PCM1: variants seen among roughly 807,000 people sequenced by gnomAD.
The protein encoded by PCM1 is pericentriolar material 1.
PCM1 carries 157 observed loss-of-function variants against 241.9 expected under a neutral mutation model. The observed-to-expected ratio is 0.65, with a 90% CI of 0.57 to 0.74. The LOEUF is 0.74. PCM1 is among the 30% of genes least tolerant of loss of function. The pLI is 0.00. For missense variants in PCM1, 3,478 were observed against 2,360.1 expected (o/e 1.47, Z -9.81); for synonymous variants, 1,085 against 784.9 (o/e 1.38, Z -6.39).
intron 38 of PCM1, among the ~76,000 whole-genome samples, chr8:18,025,877 C>T (rs1464256469): frequency 6.6e-6 from 1 of 152,026 alleles, no homozygotes. Context: ...AAAATGTAGA[C>T]ATGCTGGCTG....
chr8:17,990,462 G>A (rs1014350612), intron 27 of PCM1, among the ~76,000 whole-genome samples: 1 of 148,366 alleles, frequency 6.7e-6, no homozygotes, highest in African/African-American at 2.5e-5. Flanking sequence ...AATGGTTTTG[G>A]TTGTTTTTTT....
At chr8:17,993,849 C>G in intron 29 of PCM1, among the ~76,000 whole-genome samples, 1 of 152,066 alleles carries the variant, frequency 6.6e-6, no homozygotes, top group African/African-American at 2.4e-5. Flanking sequence ...CTTTCTAGAT[C>G]ATTATTTTTC....
chr8:17,972,719 G>T (rs770207870), intron 23 of PCM1, 32 bp downstream of exon 23: 1 of 1,356,488 alleles, frequency 7.4e-7, no homozygotes, highest in Non-Finnish European at 9.8e-7. Context: ...ATGTTGATCA[G>T]TGTAAATTTT....
At chr8:18,016,228 A>T (rs2093174230) in intron 36 of PCM1, among the ~76,000 whole-genome samples, 1 of 152,108 alleles carries the variant, frequency 6.6e-6, no homozygotes, top group South Asian at 2.1e-4. Flanking sequence ...GTCGAACTAG[A>T]TGTTTGACAG....
At chr8:17,981,534 G>GGA (rs767785112) in intron 24 of PCM1, among the ~76,000 whole-genome samples, 5 of 151,960 alleles carry the variant, frequency 3.3e-5, no homozygotes, top group African/African-American at 4.8e-5. Context: ...AAAGAAATAT[G>GGA]GAGAGAGAGA....
At chr8:17,932,861 C>G (rs1226473959) in intron 2 of PCM1, among the ~76,000 whole-genome samples, 2 of 152,096 alleles carry the variant, frequency 1.3e-5, no homozygotes, top group Non-Finnish European at 2.9e-5. Flanking sequence ...GGCAGCCTTT[C>G]TCAGTTGGGA....
At position 18,028,982 on chromosome 8, in the gene PCM1, C is replaced by A. The variant is rs1564505332; in HGVS notation, c.*1320C>A. The A allele has an allele frequency of 5.6e-6, 1 of 177,548 alleles. No homozygotes were observed. The highest frequency in any genetic ancestry group is 1.2e-5 in the Non-Finnish European group (1 of 82,652). 11.0% of individuals were successfully genotyped at this position (177,548 alleles called of 1,614,324 possible). A position where few individuals can be genotyped will look rare whatever the true frequency, so the allele number is the denominator to read the frequency against. ...CTGCCCAACATGGGGGAAACCCCGT[C>A]TCTACTAAAAATAAAAAAATTAGCT... On this transcript the variant is annotated 3_prime_UTR_variant, in exon 39 of 39. Coordinates refer to ENST00000325083, the MANE Select transcript of PCM1 (RefSeq NM_006197.4).
At chr8:18,027,616 C>A in intron 38 of PCM1, 21 bp from the exon 39 acceptor site, 1 of 1,548,840 alleles carries the variant, frequency 6.5e-7, no homozygotes, top group Non-Finnish European at 8.8e-7. Context: ...ATTTATAAAG[C>A]ATTTTTATTC....
In PCM1 at chr8:17,936,054, A is replaced by G. The variant is rs544959733; in HGVS notation, c.96+348A>G. ...CTGCTTTTGAGTGCATCTGCCTAACACACCTTTCTCTTTACAGACCAGTTT... is the reference window on the plus strand; with the variant it reads ...CTGCTTTTGAGTGCATCTGCCTAACGCACCTTTCTCTTTACAGACCAGTTT... On this transcript the variant is annotated intron_variant, in intron 3 of 38. Transcript: ENST00000325083. 7.4e-4 allele frequency among the ~76,000 whole-genome samples: 112 copies of G among 152,286 alleles called. 1 individual carries two copies. Among genetic ancestry groups the G allele is most frequent in the African/African-American group, 2.7e-3 (111 of 41,572 alleles).
In PCM1 at chr8:17,939,705, T is replaced by A; in HGVS notation, c.627T>A (p.Leu209=). 1 of 1,536,786 alleles carries A rather than the reference T, an allele frequency of 6.5e-7. No homozygotes were observed. Among genetic ancestry groups the A allele is most frequent in the Non-Finnish European group, 8.8e-7 (1 of 1,140,472 alleles). The change falls in exon 6 of 39, where the codon CTT becomes CTA. Residue 209 remains leucine (L), a synonymous_variant. Transcript: ENST00000325083. ...TTCCCCTGCAGATTGTAAGCAGGCT[T>A]GTTCAAATTCGCGATTATATTACTA... ...AMESSQIVSR[L]VQIRDYITKA...
intron 29 of PCM1, among the ~76,000 whole-genome samples, chr8:18,001,651 T>C (rs1336998408): frequency 1.3e-5 from 2 of 152,224 alleles, no homozygotes; most frequent in Non-Finnish European, 2.9e-5. Context: ...CATCTAGATA[T>C]GGTAAACTAC....
At chr8:17,967,481 T>C (rs544866012) in intron 21 of PCM1, among the ~76,000 whole-genome samples, 51 of 152,216 alleles carry the variant, frequency 3.4e-4, no homozygotes, top group Non-Finnish European at 6.3e-4. Flanking sequence ...GCTAATTTTG[T>C]ATTTTTAGTA....
At chr8:17,966,509 G>T in intron 20 of PCM1, 36 bp downstream of exon 20, 1 of 1,589,914 alleles carries the variant, frequency 6.3e-7, no homozygotes, top group South Asian at 1.1e-5. Context: ...GACTGTATAA[G>T]AGCTAACATT....
At position 18,017,814 on chromosome 8, in the gene PCM1, T is replaced by C. The variant is rs560816427; in HGVS notation, c.5841+2974T>C. ...GTTGTCGTGAGCCAAAATGGTGCCATTGCACTCCAGCCTGGGCAACAAGAG... is the reference window on the plus strand; with the variant it reads ...GTTGTCGTGAGCCAAAATGGTGCCACTGCACTCCAGCCTGGGCAACAAGAG... On this transcript the variant is annotated intron_variant, in intron 36 of 38. Transcript: ENST00000325083. Among the ~76,000 whole-genome samples, 6 of 152,084 alleles carry C rather than the reference T, an allele frequency of 3.9e-5. No homozygotes were observed. In the South Asian group the frequency reaches 8.3e-4, roughly 21 times the overall value.
At chr8:17,993,803 A>G (rs561117893) in intron 29 of PCM1, among the ~76,000 whole-genome samples, 184 bp downstream of exon 29, 7 of 152,282 alleles carry the variant, frequency 4.6e-5, no homozygotes, top group African/African-American at 1.7e-4. Flanking sequence ...ACACATGTGC[A>G]TATTCTGCCT....
intron 6 of PCM1, among the ~76,000 whole-genome samples, chr8:17,941,231 C>G (rs998613107): frequency 6.6e-6 from 1 of 151,992 alleles, no homozygotes; most frequent in Non-Finnish European, 1.5e-5. Context: ...AGGGTTAGGA[C>G]GATGTGGGTA....
chr8:17,947,198 C>A lies in PCM1; in HGVS notation c.796C>A (p.Gln266Lys), dbSNP rs776967602. The change falls in exon 7 of 39, where the codon CAG becomes AAG. Residue 266 changes from glutamine to lysine, a missense_variant. Gln to Lys is a moderately conservative substitution (Grantham distance 53, BLOSUM62 1). Coordinates refer to ENST00000325083, the MANE Select transcript of PCM1 (RefSeq NM_006197.4). ...TCTTATTTTCCAGGCCAGAGATCCT[C>A]AGCAGGAGCCTATGGAAGAGATAGA... ...FLKKILARDP[Q>K]QEPMEEIENL... The A allele has an allele frequency of 4.4e-6, 7 of 1,600,256 alleles. No homozygotes were observed. The Admixed American group carries it at 5.1e-5, about 12-fold the overall frequency.
At chr8:17,963,042 T>G (rs2073227730) in intron 16 of PCM1, 59 bp from the exon 17 acceptor site, 1 of 1,288,048 alleles carries the variant, frequency 7.8e-7, no homozygotes, top group African/African-American at 1.5e-5. Flanking sequence ...AGTCTTTTAC[T>G]CTTTTAGGCT....
chr8:18,010,314 C>T (rs186223246), intron 31 of PCM1, among the ~76,000 whole-genome samples: 1 of 152,172 alleles, frequency 6.6e-6, no homozygotes, highest in Non-Finnish European at 1.5e-5. Flanking sequence ...GAGAAGGAAA[C>T]AAGCCAAGAC....
Sources: allele counts gnomAD v4.1 joint callset (sites outside exome capture counted in the v4.1 genomes callset), GRCh38; gene constraint gnomAD v4.1.1; transcripts MANE v1.5; gene names NCBI Gene and HGNC (gene_info 2026-07-23, HGNC 2026-07-21).